Variants in FTCDNL1 observed in about 807,000 individuals in gnomAD.
FTCDNL1 encodes the protein formiminotransferase cyclodeaminase N-terminal like.
A neutral mutation model predicts 5.9 loss-of-function variants in FTCDNL1; 11 were observed. The observed-to-expected ratio is 1.87, with a 90% CI of 1.18 to 3.10. FTCDNL1 has a LOEUF of 3.10. FTCDNL1 is among the 30% of genes most tolerant of loss of function. The pLI, the probability that FTCDNL1 is intolerant of heterozygous loss-of-function variation, is 0.00. For synonymous variants in FTCDNL1, 58 were observed against 24.8 expected (o/e 2.34, Z -3.99); for missense variants, 115 against 65.5 (o/e 1.76, Z -2.61).
At chr2:199,828,320 C>G (rs1702157499) in intron 3 of FTCDNL1, among the ~76,000 whole-genome samples, 1 of 152,230 alleles carries the variant, frequency 6.6e-6, no homozygotes, top group Admixed American at 6.5e-5. Context: ...ATGTCCACAT[C>G]AAGCAAATCA....
At chr2:199,696,724 T>A in the FTCDNL1 span, among the ~76,000 whole-genome samples, 4 of 151,898 alleles carry the variant, frequency 2.6e-5, no homozygotes, top group Non-Finnish European at 5.9e-5. Context: ...GTGCAAAAAC[T>A]CTGGCAACTC....
At chr2:199,686,274 T>C in the FTCDNL1 span, among the ~76,000 whole-genome samples, 1 of 152,340 alleles carries the variant, frequency 6.6e-6, no homozygotes, top group Non-Finnish European at 1.5e-5. Context: ...GTTTAAATTA[T>C]TTCCTGGAGT....
chr2:199,813,729 T>C (rs1190164799), intron 4 of FTCDNL1, among the ~76,000 whole-genome samples: 1 of 151,668 alleles, frequency 6.6e-6, no homozygotes, highest in Admixed American at 6.6e-5. Context: ...TGGCCAATAT[T>C]GTGAAACCCC....
the FTCDNL1 span, among the ~76,000 whole-genome samples, chr2:199,711,341 G>A: frequency 7.2e-6 from 1 of 138,002 alleles, no homozygotes; most frequent in African/African-American, 2.8e-5. Flanking sequence ...AATGACAGAA[G>A]GTGACTATCT....
chr2:199,697,378 G>C, the FTCDNL1 span, among the ~76,000 whole-genome samples: 1 of 152,132 alleles, frequency 6.6e-6, no homozygotes, highest in Non-Finnish European at 1.5e-5. Context: ...GGCAGCTAGA[G>C]GGAAAGAGTA....
rs553731782 is a variant in FTCDNL1 at position 199,843,025 on chromosome 2, T to G, written c.211+3050A>C. Among the ~76,000 whole-genome samples, 9 of 152,076 alleles carry G rather than the reference T, an allele frequency of 5.9e-5. No individual in the cohort carries two copies. In the South Asian group the frequency reaches 1.7e-3, roughly 28 times the overall value. Reference sequence around the variant, plus strand: ...AGGGGATGTAAAAATAAAAACTGCATGTTAGAGCATCAAAATAGTAACCAT... The same window carrying G: ...AGGGGATGTAAAAATAAAAACTGCAGGTTAGAGCATCAAAATAGTAACCAT... On this transcript the variant is annotated intron_variant, in intron 3 of 4. Transcript: ENST00000420128.
At chr2:199,693,008 A>C in the FTCDNL1 span, among the ~76,000 whole-genome samples, 1 of 152,226 alleles carries the variant, frequency 6.6e-6, no homozygotes, top group African/African-American at 2.4e-5. Flanking sequence ...TTTTTGTATT[A>C]GGGTCTGAAC....
At chr2:199,799,238 T>C (rs1282773309) in intron 3 of FTCDNL1, among the ~76,000 whole-genome samples, 1 of 152,218 alleles carries the variant, frequency 6.6e-6, no homozygotes, top group Non-Finnish European at 1.5e-5. Context: ...AAGCTGAGTT[T>C]TTTATTTTTA....
chr2:199,807,821 A>T (rs1474125743), downstream of FTCDNL1, among the ~76,000 whole-genome samples: 1 of 152,226 alleles, frequency 6.6e-6, no homozygotes, highest in East Asian at 1.9e-4. Context: ...TGTATCTATT[A>T]GTAGATAACA....
the FTCDNL1 span, among the ~76,000 whole-genome samples, chr2:199,672,001 G>A: frequency 1.3e-5 from 2 of 152,094 alleles, no homozygotes; most frequent in Middle Eastern, 3.2e-3. Flanking sequence ...TCATCGTCCA[G>A]ATTCAGACTC....
intron 3 of FTCDNL1, among the ~76,000 whole-genome samples, chr2:199,777,848 G>A (rs7561312): frequency 0.48 from 72,466 of 151,840 alleles, 19,240 homozygotes; most frequent in Non-Finnish European, 0.59. Context: ...AGGAGGGAGC[G>A]TGCAGGCTTT....
the FTCDNL1 span, among the ~76,000 whole-genome samples, chr2:199,696,282 T>A: frequency 6.6e-6 from 1 of 152,124 alleles, no homozygotes; most frequent in Non-Finnish European, 1.5e-5. Context: ...CACTGGCACA[T>A]ATGCATGCAG....
intron 3 of FTCDNL1, among the ~76,000 whole-genome samples, chr2:199,840,577 A>C (rs75986933): frequency 6.6e-6 from 1 of 152,166 alleles, no homozygotes; most frequent in Non-Finnish European, 1.5e-5. Context: ...AAACTGAAAG[A>C]CCAAGACGTA....
chr2:199,680,099 T>C, the FTCDNL1 span, among the ~76,000 whole-genome samples: 3 of 152,122 alleles, frequency 2.0e-5, no homozygotes, highest in African/African-American at 4.8e-5. Context: ...GAACAATAGA[T>C]GGACCAGATG....
the FTCDNL1 span, among the ~76,000 whole-genome samples, chr2:199,691,146 G>A: frequency 1.3e-5 from 2 of 152,164 alleles, no homozygotes; most frequent in Non-Finnish European, 2.9e-5. Context: ...AGAAATAAAG[G>A]TGGCCAATTT....
chr2:199,700,402 C>T, the FTCDNL1 span, among the ~76,000 whole-genome samples: 6 of 152,062 alleles, frequency 3.9e-5, no homozygotes, highest in East Asian at 1.2e-3. Flanking sequence ...TCAGAGACAA[C>T]ACAAACAAAC....
intron 3 of FTCDNL1, among the ~76,000 whole-genome samples, chr2:199,784,071 C>T (rs1335230576): frequency 6.6e-6 from 1 of 152,162 alleles, no homozygotes; most frequent in Non-Finnish European, 1.5e-5. Context: ...ATTTAATCTT[C>T]CTTCATGGCT....
intron 3 of FTCDNL1, among the ~76,000 whole-genome samples, chr2:199,769,804 C>G (rs1698722103): frequency 6.6e-6 from 1 of 152,198 alleles, no homozygotes; most frequent in Non-Finnish European, 1.5e-5. Flanking sequence ...TGGTTTTCCT[C>G]AGCCCTGGCA....
At chr2:199,843,195 A>C (rs1032975183) in intron 3 of FTCDNL1, among the ~76,000 whole-genome samples, 3 of 152,206 alleles carry the variant, frequency 2.0e-5, no homozygotes, top group Non-Finnish European at 4.4e-5. Flanking sequence ...AGTAGCTGCC[A>C]ATGAAGCAAA....
Sources: gnomAD v4.1 joint callset for allele counts (sites outside exome capture counted in the v4.1 genomes callset) on GRCh38, gnomAD v4.1.1 for gene constraint, MANE v1.5 for transcripts, NCBI Gene and HGNC (gene_info 2026-07-23, HGNC 2026-07-21) for gene names.